RAB10: variants seen among roughly 807,000 people sequenced by gnomAD.
RAB10 encodes RAB10, member RAS oncogene family, also known as ras-related protein Rab-10.
Under a neutral mutation model 25.7 loss-of-function variants are expected in RAB10, and 5 were observed. That is an observed-to-expected ratio of 0.19 (90% confidence interval 0.10 to 0.41). RAB10 has a LOEUF of 0.41. Among genes scored for constraint, RAB10 ranks in the 10% least tolerant of loss-of-function variants. The pLI, the probability that RAB10 is intolerant of heterozygous loss-of-function variation, is 1.00. For missense variants in RAB10, 103 were observed against 245.8 expected, an observed-to-expected ratio of 0.42 and a Z score of 3.89; for synonymous variants, 89 against 86.4, an observed-to-expected ratio of 1.03 and a Z score of -0.16.
upstream of RAB10, chr2:26,034,006 T>G (rs1188888566): frequency 2.5e-6 from 1 of 398,506 alleles, no homozygotes; most frequent in Non-Finnish European, 4.4e-6. Context: ...CGCGCCCCCA[T>G]GCCCTCTTGT....
At chr2:26,098,109 C>CTTTTTTTTTTTTTTTTT (rs57174956) in intron 1 of RAB10, among the ~76,000 whole-genome samples, 30 of 52,722 alleles carry the variant, frequency 5.7e-4, no homozygotes, top group Admixed American at 8.8e-4. Context: ...TTCTTTCTTT[C>CTTTTTTTTTTTTTTTTT]TTTTTTTTTT....
chr2:26,112,943 A>G (rs773015851), intron 3 of RAB10, among the ~76,000 whole-genome samples: 1 of 152,038 alleles, frequency 6.6e-6, no homozygotes, highest in African/African-American at 2.4e-5. Flanking sequence ...TTAGCCGGGC[A>G]TGATGGTGGG....
chr2:26,067,254 A>G (rs1666533512), intron 1 of RAB10, among the ~76,000 whole-genome samples: 2 of 152,126 alleles, frequency 1.3e-5, no homozygotes, highest in African/African-American at 4.8e-5. Context: ...GCTTGAAGTC[A>G]TTGTTACCAC....
intron 1 of RAB10, among the ~76,000 whole-genome samples, chr2:26,088,440 T>C (rs1232509557): frequency 6.6e-6 from 1 of 152,222 alleles, no homozygotes; most frequent in East Asian, 1.9e-4. Flanking sequence ...CCCTGTGATT[T>C]CTGTGCTAAT....
intron 2 of RAB10, among the ~76,000 whole-genome samples, chr2:26,103,490 G>T (rs1667386683): frequency 6.6e-6 from 1 of 152,186 alleles, no homozygotes; most frequent in Non-Finnish European, 1.5e-5. Context: ...AAAGAGTTTG[G>T]AATTGATTCT....
rs902227394 is a variant in RAB10 at position 26,067,384 on chromosome 2, G to A, written c.128-31278G>A. Reference sequence around the variant, plus strand: ...CATTGTAGCAAAAGGGGTTTATACTGTATCTGCATACTCTATGAAAGGACC... The same window carrying A: ...CATTGTAGCAAAAGGGGTTTATACTATATCTGCATACTCTATGAAAGGACC... On this transcript the variant is annotated intron_variant, in intron 1 of 5. Transcript: ENST00000264710. 1.2e-4 allele frequency among the ~76,000 whole-genome samples: 18 copies of A among 152,302 alleles called. No homozygotes were observed. The South Asian group carries it at 2.5e-3, about 21-fold the overall frequency.
chr2:26,035,703 G>A (rs1039639054), intron 1 of RAB10, among the ~76,000 whole-genome samples: 13 of 152,328 alleles, frequency 8.5e-5, no homozygotes, highest in Non-Finnish European at 1.8e-4. Flanking sequence ...TCTCAGCATT[G>A]TGGCGGTGCA....
chr2:26,129,035 G>T (rs1425903754), intron 5 of RAB10, among the ~76,000 whole-genome samples: 1 of 152,160 alleles, frequency 6.6e-6, no homozygotes, highest in African/African-American at 2.4e-5. Flanking sequence ...CACTTTGGGA[G>T]GCTGAGGCGG....
intron 2 of RAB10, among the ~76,000 whole-genome samples, chr2:26,109,170 G>A (rs185303068): frequency 5.3e-4 from 80 of 152,078 alleles, no homozygotes; most frequent in African/African-American, 1.6e-3. Context: ...TCAGCCTCCC[G>A]AAGGGCTGGG....
intron 1 of RAB10, among the ~76,000 whole-genome samples, chr2:26,035,622 T>C (rs1431812714): frequency 1.3e-5 from 2 of 152,222 alleles, no homozygotes; most frequent in African/African-American, 2.4e-5. Context: ...TAAGTGGCAT[T>C]GACGCTAATT....
At chr2:26,054,650 T>G (rs1303113720) in intron 1 of RAB10, among the ~76,000 whole-genome samples, 1 of 152,262 alleles carries the variant, frequency 6.6e-6, no homozygotes, top group Non-Finnish European at 1.5e-5. Flanking sequence ...TAAGCATTTT[T>G]AAAACTTTTT....
At chr2:26,120,357 T>C (rs150687068) in intron 3 of RAB10, among the ~76,000 whole-genome samples, 9 of 152,352 alleles carry the variant, frequency 5.9e-5, no homozygotes, top group African/African-American at 1.9e-4. Context: ...GATGTACTTA[T>C]ACAACTTGCA....
At chr2:26,097,152 G>T (rs1253392557) in intron 1 of RAB10, among the ~76,000 whole-genome samples, 1 of 152,166 alleles carries the variant, frequency 6.6e-6, no homozygotes, top group Non-Finnish European at 1.5e-5. Flanking sequence ...GGAAGTGGAG[G>T]TTACAGTGAG....
chr2:26,062,029 G>A (rs1195044753), intron 1 of RAB10, among the ~76,000 whole-genome samples: 1 of 152,086 alleles, frequency 6.6e-6, no homozygotes, highest in Non-Finnish European at 1.5e-5. Flanking sequence ...GAAAAGGGGT[G>A]GAGTTGGGGT....
chr2:26,083,755 G>C (rs1666919780), intron 1 of RAB10, among the ~76,000 whole-genome samples: 1 of 152,128 alleles, frequency 6.6e-6, no homozygotes, highest in Non-Finnish European at 1.5e-5. Flanking sequence ...CTGGCCTCAA[G>C]TGATCTGCCC....
At chr2:26,056,425 C>T (rs754660185) in intron 1 of RAB10, among the ~76,000 whole-genome samples, 5 of 151,792 alleles carry the variant, frequency 3.3e-5, no homozygotes, top group Non-Finnish European at 7.4e-5. Context: ...TCTCAATCTC[C>T]TGACCTCATG....
chr2:26,081,033 T>C (rs907462960), intron 1 of RAB10, among the ~76,000 whole-genome samples: 22 of 152,152 alleles, frequency 1.4e-4, no homozygotes, highest in African/African-American at 4.8e-4. Context: ...AATTGAATCA[T>C]GGGGACGGGT....
intron 2 of RAB10, chr2:26,101,309 T>C (rs1422374046): frequency 1.3e-5 from 2 of 152,220 alleles, no homozygotes; most frequent in African/African-American, 4.8e-5. Flanking sequence ...TTTTCTTGTA[T>C]AAAAGCACTA....
rs533865902 is a variant in RAB10, at chr2:26,114,970, A to G, written c.327+5064A>G. ...AGATCTAAAGCCATGAAGTGGCAAA[A>G]GAAAAGAAATGGATAAATTGGGCTA... On this transcript the variant is annotated intron_variant, in intron 3 of 5. Transcript: ENST00000264710. Among the ~76,000 whole-genome samples the G allele has an allele frequency of 5.3e-4, 80 of 152,288 alleles. 1 individual carries two copies. The highest frequency in any genetic ancestry group is 9.4e-4 in the Non-Finnish European group (64 of 68,012).
Sources: allele counts gnomAD v4.1 joint callset (sites outside exome capture counted in the v4.1 genomes callset), GRCh38; gene constraint gnomAD v4.1.1; transcripts MANE v1.5; gene names NCBI Gene and HGNC (gene_info 2026-07-23, HGNC 2026-07-21).